The following ACBD4 variants were observed in gnomAD, a reference collection of about 807,000 sequenced individuals.
The protein encoded by ACBD4 is acyl-CoA-binding domain-containing protein 4.
A neutral mutation model predicts 46.0 loss-of-function variants in ACBD4; 41 were observed. The observed-to-expected ratio is 0.89, with a 90% CI of 0.69 to 1.16. ACBD4 has a LOEUF of 1.16. ACBD4 is among the 50% of genes most tolerant of loss of function. The pLI, the probability that ACBD4 is intolerant of heterozygous loss-of-function variation, is 0.00. For missense variants in ACBD4, 393 were observed against 399.5 expected, an observed-to-expected ratio of 0.98 and a Z score of 0.14; for synonymous variants, 162 against 155.9, an observed-to-expected ratio of 1.04 and a Z score of -0.29.
intron 6 of ACBD4, 85 bp from the exon 7 acceptor site, chr17:45,137,675 T>G: frequency 6.0e-6 from 9 of 1,506,968 alleles, no homozygotes; most frequent in Non-Finnish European, 8.3e-6. Flanking sequence ...TAGTGTCTCC[T>G]AAACAGGTGC....
At chr17:45,134,548 C>T (rs1184347186), upstream of ACBD4, among the ~76,000 whole-genome samples, 1 of 152,026 alleles carries the variant, frequency 6.6e-6, no homozygotes, top group Non-Finnish European at 1.5e-5. Flanking sequence ...AGGCCGAGGT[C>T]GGCGGATCAC....
rs770183746 is a variant in ACBD4 at position 45,137,078 on chromosome 17, C to T, written c.354C>T (p.Pro118=). ...VAEDMFGYFE[P]LYQVIPDMPR... is the part of the protein sequence containing the mutation. ...AGGACATGTTTGGTTACTTCGAGCC[C>T]CTGTACCAGGTGATCCCTGACATGC... Residue 118 remains proline, a synonymous_variant, in exon 5 of 10, where the codon CCC becomes CCT. Coordinates refer to ENST00000321854, the MANE Select transcript of ACBD4 (RefSeq NM_001135705.3). 1.9e-6 allele frequency: 3 copies of T among 1,614,118 alleles called. No individual in the cohort carries two copies. Among genetic ancestry groups the T allele is most frequent in the East Asian group, 4.5e-5 (2 of 44,886 alleles).
rs760263177 is a variant in ACBD4, at chr17:45,136,589, G to A, written c.178G>A (p.Gly60Arg). The change falls in exon 3 of 10, where the codon GGG becomes AGG. Residue 60 changes from glycine to arginine, a missense_variant. Around this residue, in one of 3 missense-constraint regions of ACBD4, gnomAD observed 24 missense variants for 47.4 expected, o/e 0.51. Coordinates refer to ENST00000321854, the MANE Select transcript of ACBD4 (RefSeq NM_001135705.3). ...TMGPCLVPRPGFWDPIGRYKW... is the reference protein window; with the variant it reads ...TMGPCLVPRPRFWDPIGRYKW... ...GGGGCCCTGCCTGGTCCCCCGGCCC[G>A]GGTTCTGGGACCCCATTGGACGATA... 5 of 1,613,920 alleles carry A rather than the reference G, an allele frequency of 3.1e-6. No individual in the cohort carries two copies. The highest frequency in any genetic ancestry group is 2.2e-5 in the East Asian group (1 of 44,888).
At chr17:45,137,187 T>G (rs1176335293) in intron 5 of ACBD4, 48 bp downstream of exon 5, 2 of 1,612,730 alleles carry the variant, frequency 1.2e-6, no homozygotes, top group Admixed American at 1.7e-5. Flanking sequence ...TGAACCGTCT[T>G]AGGTCTAGGC....
intron 9 of ACBD4, among the ~76,000 whole-genome samples, chr17:45,139,606 C>A (rs1188452784): frequency 6.6e-6 from 1 of 152,216 alleles, no homozygotes; most frequent in Non-Finnish European, 1.5e-5. Context: ...TGGGCTCCTG[C>A]AAACTAAATA....
upstream of ACBD4, chr17:45,135,318 A>C (rs1489998032): frequency 1.3e-5 from 2 of 152,194 alleles, no homozygotes. Flanking sequence ...TGACCACAGG[A>C]CATGACTTTT....
chr17:45,134,403 G>A (rs762650164), upstream of ACBD4, among the ~76,000 whole-genome samples: 6 of 151,606 alleles, frequency 4.0e-5, no homozygotes, highest in Non-Finnish European at 7.4e-5. Flanking sequence ...CTTGAGGCCA[G>A]GTATTGAATG....
chr17:45,132,358 AC>A, upstream of ACBD4: 1 of 1,230,760 alleles, frequency 8.1e-7, no homozygotes, highest in Non-Finnish European at 1.0e-6. The surrounding 1 kb of genome is among the most constrained non-coding windows in gnomAD (Gnocchi z 4.6). Flanking sequence ...CTGGGCGGCC[AC>A]CGGGGGCTCC....
At chr17:45,132,107 G>A, upstream of ACBD4, 2 of 944,530 alleles carry the variant, frequency 2.1e-6, no homozygotes, top group Non-Finnish European at 2.8e-6. The surrounding 1 kb of genome is among the most constrained non-coding windows in gnomAD (Gnocchi z 4.6). Context: ...CCCAGCTGGA[G>A]GGAGCTGGCC....
At chr17:45,141,086 A>G (rs2055240757) in intron 9 of ACBD4, among the ~76,000 whole-genome samples, 1 of 152,224 alleles carries the variant, frequency 6.6e-6, no homozygotes, top group African/African-American at 2.4e-5. Flanking sequence ...ATTTTATTAC[A>G]CACAATTATT....
chr17:45,143,313 C>T (rs2055408997), intron 9 of ACBD4, 130 bp from the exon 10 acceptor site: 7 of 759,872 alleles, frequency 9.2e-6, no homozygotes, highest in Non-Finnish European at 1.4e-5. Context: ...CACCTGGGGG[C>T]CACTTCCTTT....
chr17:45,138,148 C>T (rs1217965393), intron 8 of ACBD4, 160 bp downstream of exon 8: 1 of 786,672 alleles, frequency 1.3e-6, no homozygotes, highest in Non-Finnish European at 2.0e-6. Flanking sequence ...CAGCCAGATA[C>T]CTGCCTGGAT....
At position 45,139,155 on chromosome 17, in the gene ACBD4, G is replaced by A. The variant is rs772633053; in HGVS notation, c.784G>A (p.Glu262Lys). Residue 262 changes from glutamate to lysine, a missense_variant, in exon 9 of 10, where the codon GAG becomes AAG. By Grantham distance (56) the Glu-to-Lys change is moderately conservative. Around this residue, in one of 3 missense-constraint regions of ACBD4, gnomAD observed 308 missense variants for 301.8 expected, o/e 1.02. Coordinates refer to ENST00000321854, the MANE Select transcript of ACBD4 (RefSeq NM_001135705.3). ...QSLESMPRPP[E>K]QRPQPRPSAR... ...CCTGGAGAGCATGCCCCGGCCCCCT[G>A]AGCAGGTAGAGTCCCCCACCCCATA... 1 of 1,613,462 alleles carries A rather than the reference G, an allele frequency of 6.2e-7. No individual in the cohort carries two copies. The highest frequency in any genetic ancestry group is 1.1e-5 in the South Asian group (1 of 91,076).
Position 45,136,561 on chromosome 17 carries a change from C to G in ACBD4, c.150C>G (p.Thr50=). ...TCTACAGTTACTACAAGCAGGCCAC[C>G]ATGGGGCCCTGCCTGGTCCCCCGGC... ...LRFYSYYKQA[T]MGPCLVPRPG... Residue 50 remains threonine, a synonymous_variant, in exon 3 of 10, where the codon ACC becomes ACG. Coordinates refer to ENST00000321854, the MANE Select transcript of ACBD4 (RefSeq NM_001135705.3). 2 of 1,613,910 alleles carry G rather than the reference C, an allele frequency of 1.2e-6. No individual in the cohort carries two copies. The highest frequency in any genetic ancestry group is 4.5e-5 in the East Asian group (2 of 44,886).
At position 45,136,751 on chromosome 17, in the gene ACBD4, C is replaced by T; in HGVS notation, c.269C>T (p.Thr90Ile). 1 of 1,613,670 alleles carries T rather than the reference C, an allele frequency of 6.2e-7. No homozygotes were observed. The change falls in exon 4 of 10, where the codon ACT becomes ATT. Residue 90 changes from threonine to isoleucine, a missense_variant. By Grantham distance (89) the Thr-to-Ile change is moderately conservative. Coordinates refer to ENST00000321854, the MANE Select transcript of ACBD4 (RefSeq NM_001135705.3). Reference sequence around the variant, plus strand: ...GAGGAGGCCATGTCTGCCTACATCACTGAAATGAAACTGGTGGCACAGAAG... The same window carrying T: ...GAGGAGGCCATGTCTGCCTACATCATTGAAATGAAACTGGTGGCACAGAAG... ...SREEAMSAYI[T>I]EMKLVAQKVI...
Position 45,136,481 on chromosome 17 carries a change from T to C in ACBD4, c.89-19T>C, listed in dbSNP as rs771900960. 1 of 1,607,460 alleles carries C rather than the reference T, an allele frequency of 6.2e-7. No individual in the cohort carries two copies. Among genetic ancestry groups the C allele is most frequent in the South Asian group, 1.1e-5 (1 of 90,416 alleles). Reference sequence around the variant, plus strand: ...GCTGGGAGTGATGCTTTGCCCTGGCTTCCCAACTCTCTGCCCAGGTTCTTA... The same window carrying C: ...GCTGGGAGTGATGCTTTGCCCTGGCCTCCCAACTCTCTGCCCAGGTTCTTA... On this transcript the variant is annotated intron_variant, in intron 2 of 9. Coordinates refer to ENST00000321854, the MANE Select transcript of ACBD4 (RefSeq NM_001135705.3).
chr17:45,132,950 G>A (rs563287639), upstream of ACBD4: 241 of 152,944 alleles, frequency 1.6e-3, no homozygotes, highest in Non-Finnish European at 2.3e-3. The surrounding 1 kb of genome is among the most constrained non-coding windows in gnomAD (Gnocchi z 4.6). Context: ...TGAGCCGCTC[G>A]GGGCAGCGCG....
At chr17:45,137,695 G>C in intron 6 of ACBD4, 65 bp from the exon 7 acceptor site, 2 of 1,574,344 alleles carry the variant, frequency 1.3e-6, no homozygotes, top group Non-Finnish European at 1.7e-6. Context: ...CTTCTGCCCA[G>C]TGCACACTCC....
chr17:45,143,787 C>G lies in ACBD4; in HGVS notation c.*216C>G, dbSNP rs894261322. 8 of 755,274 alleles carry G rather than the reference C, an allele frequency of 1.1e-5. No individual in the cohort carries two copies. In the African/African-American group the frequency reaches 1.4e-4, roughly 13 times the overall value. The allele number at this position is 755,274 out of a possible 1,614,324, so 46.8% of individuals were successfully genotyped here. The stretch of plus-strand genomic sequence containing the variant: ...TCCCTCCCCGCAACCACCCCAGGCT[C>G]CCCTGGGAGGCTGCAGTTGTGGTAC... On this transcript the variant is annotated 3_prime_UTR_variant, in exon 10 of 10. Transcript: ENST00000321854.
Sources: gnomAD v4.1 joint callset for allele counts (sites outside exome capture counted in the v4.1 genomes callset) on GRCh38, gnomAD v4.1.1 for gene constraint, gnomAD v4.1.1 regional missense constraint, Gnocchi (gnomAD v3.1) non-coding constraint, MANE v1.5 for transcripts, NCBI Gene and HGNC (gene_info 2026-07-23, HGNC 2026-07-21) for gene names.